Variants in CABIN1 observed in about 807,000 individuals in gnomAD.
The protein encoded by CABIN1 is calcineurin binding protein 1, also known as calcineurin-binding protein cabin-1.
In CABIN1, 133 loss-of-function variants were observed where a neutral mutation model predicts 227.7. The observed-to-expected ratio is 0.58, with a 90% confidence interval of 0.51 to 0.67. The LOEUF (loss-of-function observed/expected upper bound fraction) is 0.67, where lower values mean the gene tolerates loss of function less well. Among genes scored for constraint, CABIN1 ranks in the 30% least tolerant of loss-of-function variants. The probability of loss-of-function intolerance (pLI) is 0.00; values close to 1 mark genes in which losing one functional copy is unlikely to be tolerated. For synonymous variants in CABIN1, 1,086 were observed against 1,155.1 expected (o/e 0.94, Z 1.21); for missense variants, 2,408 against 2,852.5 (o/e 0.84, Z 3.55).
chr22:24,040,664 G>A (rs1358223097), intron 4 of CABIN1, among the ~76,000 whole-genome samples: 2 of 152,170 alleles, frequency 1.3e-5, no homozygotes, highest in Admixed American at 6.5e-5. Context: ...AGTTAAATTA[G>A]CAATTGTCTA....
chr22:24,172,038 A>G, intron 34 of CABIN1, 43 bp downstream of exon 34: 1 of 1,588,516 alleles, frequency 6.3e-7, no homozygotes, highest in Admixed American at 1.7e-5. Context: ...GGCCCCTGCC[A>G]CCATCAAGTC....
intron 1 of CABIN1, among the ~76,000 whole-genome samples, chr22:24,015,249 G>C (rs946440507): frequency 8.5e-6 from 1 of 118,072 alleles, no homozygotes. Flanking sequence ...CTGGGTGACC[G>C]GCCGAGTGAG....
At chr22:24,024,686 G>A (rs531364247) in intron 1 of CABIN1, among the ~76,000 whole-genome samples, 10 of 152,144 alleles carry the variant, frequency 6.6e-5, no homozygotes, top group Admixed American at 5.2e-4. Flanking sequence ...CCATATGTCC[G>A]TATGTCTCTA....
At chr22:24,132,219 G>T (rs1414243582) in intron 28 of CABIN1, among the ~76,000 whole-genome samples, 2 of 152,240 alleles carry the variant, frequency 1.3e-5, no homozygotes, top group African/African-American at 4.8e-5. Context: ...GCTGAGCACT[G>T]ATGCAGGTTG....
At chr22:24,122,274 G>C (rs2043461804) in intron 28 of CABIN1, among the ~76,000 whole-genome samples, 1 of 152,038 alleles carries the variant, frequency 6.6e-6, no homozygotes, top group Non-Finnish European at 1.5e-5. Context: ...AGCTCTCTTG[G>C]GTCTAGTACA....
intron 33 of CABIN1, chr22:24,170,070 G>A (rs1362460512): frequency 4.4e-6 from 2 of 453,522 alleles, no homozygotes; most frequent in East Asian, 7.0e-5. Flanking sequence ...CCAGTTTGTG[G>A]AGGGGAGTGG....
At position 24,087,561 on chromosome 22, in the gene CABIN1, G is replaced by A. The variant is rs148592192; in HGVS notation, c.3373G>A (p.Val1125Ile). The A allele has an allele frequency of 1.5e-5, 24 of 1,614,096 alleles. No individual in the cohort carries two copies. The highest frequency in any genetic ancestry group is 3.3e-5 in the South Asian group (3 of 91,084). Residue 1125 changes from valine to isoleucine, a missense_variant, in exon 23 of 37, where the codon GTC (valine) becomes ATC (isoleucine). Physicochemically the swap from Val to Ile is conservative, Grantham distance 29 (BLOSUM62 3). Coordinates refer to ENST00000263119, the MANE Select transcript of CABIN1 (RefSeq NM_012295.4). ...GCCCATTTGGAAGCATGCCACGCCC[G>A]TCTTGAACTGCTTCCGTCGGGCCCT... The part of the protein sequence containing the change: ...DGPIWKHATP[V>I]LNCFRRALEI...
chr22:24,140,004 G>A (rs2044656296), intron 29 of CABIN1, among the ~76,000 whole-genome samples: 1 of 152,192 alleles, frequency 6.6e-6, no homozygotes, highest in South Asian at 2.1e-4. Context: ...CGTGCTACAG[G>A]GCATGTAGGA....
chr22:24,029,531 T>C (rs1218423601), intron 1 of CABIN1, among the ~76,000 whole-genome samples: 2 of 151,862 alleles, frequency 1.3e-5, no homozygotes, highest in African/African-American at 4.8e-5. Context: ...CACTCCAGCC[T>C]GGGCAACAGA....
intron 1 of CABIN1, among the ~76,000 whole-genome samples, chr22:24,031,319 G>A (rs2036478998): frequency 6.6e-6 from 1 of 152,188 alleles, no homozygotes; most frequent in Non-Finnish European, 1.5e-5. Flanking sequence ...GTGACATGGG[G>A]AATCCCAGCT....
At chr22:24,035,139 G>C (rs1411361382) in intron 1 of CABIN1, among the ~76,000 whole-genome samples, 8 of 151,964 alleles carry the variant, frequency 5.3e-5, no homozygotes, top group Non-Finnish European at 1.5e-5. Flanking sequence ...GTTTCTTTTC[G>C]TATCATTCAG....
intron 34 of CABIN1, among the ~76,000 whole-genome samples, chr22:24,173,562 G>A (rs901396712): frequency 6.6e-6 from 1 of 152,192 alleles, no homozygotes; most frequent in Non-Finnish European, 1.5e-5. Flanking sequence ...CTGGCCAGGC[G>A]CGGTGGCTCA....
chr22:24,054,830 T>C, intron 8 of CABIN1, 43 bp from the exon 9 acceptor site: 1 of 1,613,820 alleles, frequency 6.2e-7, no homozygotes, highest in Non-Finnish European at 8.5e-7. Context: ...GGAGTATTCC[T>C]CTGACAGGGT....
intron 13 of CABIN1, among the ~76,000 whole-genome samples, chr22:24,062,751 C>T (rs765342596): frequency 2.6e-5 from 4 of 152,132 alleles, no homozygotes; most frequent in South Asian, 2.1e-4. Context: ...CCCTGACTCT[C>T]GGCAGGGGGC....
At chr22:24,078,187 G>A (rs918760636) in intron 19 of CABIN1, among the ~76,000 whole-genome samples, 15 of 152,030 alleles carry the variant, frequency 9.9e-5, no homozygotes, top group Non-Finnish European at 7.3e-5. Flanking sequence ...ATTTGTTTCT[G>A]TCATGTGCCC....
chr22:24,047,649 A>G (rs554609940), intron 6 of CABIN1, among the ~76,000 whole-genome samples: 1 of 152,374 alleles, frequency 6.6e-6, no homozygotes, highest in South Asian at 2.1e-4. Flanking sequence ...CCTGCTGAGC[A>G]TTGTGGCCAG....
chr22:24,068,297 T>C (rs763293512), intron 16 of CABIN1, among the ~76,000 whole-genome samples: 2 of 152,116 alleles, frequency 1.3e-5, no homozygotes, highest in Non-Finnish European at 2.9e-5. Context: ...GTGTGACCTG[T>C]TACCTGGCAG....
chr22:24,161,370 C>T (rs1390597878), intron 29 of CABIN1, among the ~76,000 whole-genome samples: 3 of 152,146 alleles, frequency 2.0e-5, no homozygotes, highest in Non-Finnish European at 4.4e-5. Context: ...GCCCTGGTGA[C>T]ACCAGGGCCC....
intron 20 of CABIN1, among the ~76,000 whole-genome samples, chr22:24,083,624 T>C (rs1041437087): frequency 6.6e-6 from 1 of 152,186 alleles, no homozygotes; most frequent in African/African-American, 2.4e-5. Flanking sequence ...GAACCAGATA[T>C]GGTGGTGCAT....
Sources: gnomAD v4.1 joint callset for allele counts (sites outside exome capture counted in the v4.1 genomes callset) on GRCh38, gnomAD v4.1.1 for gene constraint, MANE v1.5 for transcripts, NCBI Gene and HGNC (gene_info 2026-07-23, HGNC 2026-07-21) for gene names.